BID: variants seen among roughly 807,000 people sequenced by gnomAD.
BID encodes the protein BH3 interacting domain death agonist.
A neutral mutation model predicts 17.4 loss-of-function variants in BID; 19 were observed. That is an observed-to-expected ratio of 1.09 (90% CI 0.76 to 1.60). The LOEUF is 1.60. Ranked by LOEUF, BID falls within the 40% of genes most tolerant of loss-of-function variation. The pLI, the probability that BID is intolerant of heterozygous loss-of-function variation, is 0.00. For missense variants in BID, 226 were observed against 256.0 expected (o/e 0.88, Z 0.80); for synonymous variants, 108 against 102.8 (o/e 1.05, Z -0.31).
intron 2 of BID, among the ~76,000 whole-genome samples, chr22:17,745,322 G>C (rs1004586267): frequency 2.6e-5 from 4 of 151,956 alleles, no homozygotes; most frequent in African/African-American, 9.7e-5. Flanking sequence ...CAACTCCTTG[G>C]CCTCTCAAAG....
intron 3 of BID, chr22:17,739,752 C>T (rs1044091971): frequency 2.2e-5 from 13 of 581,456 alleles, no homozygotes; most frequent in South Asian, 1.5e-4. Flanking sequence ...CAGGCAGGGC[C>T]GGTGAAGCTG....
rs114129443 is a variant in BID, at chr22:17,744,901, C to T, written c.13-888G>A. 6.1e-3 allele frequency among the ~76,000 whole-genome samples: 925 copies of T among 152,228 alleles called. 7 individuals are homozygous for T. Among genetic ancestry groups the T allele is most frequent in the African/African-American group, 0.021 (870 of 41,544 alleles). On this transcript the variant is annotated intron_variant, in intron 2 of 5. Coordinates refer to ENST00000622694, the MANE Select transcript of BID (RefSeq NM_001196.4). ...ACGCTGAGATCTGCGCAGATTCACA[C>T]AAAAAGACCTCCTGGGCTGCCAGAG... is the stretch of plus-strand genomic sequence containing the variant.
intron 1 of BID, among the ~76,000 whole-genome samples, chr22:17,752,440 A>G (rs2061546628): frequency 6.6e-6 from 1 of 152,154 alleles, no homozygotes; most frequent in Admixed American, 6.5e-5. Flanking sequence ...CCACTAACCC[A>G]TACCAGTGTC....
chr22:17,774,479 CG>C, upstream of BID: 1 of 279,614 alleles, frequency 3.6e-6, no homozygotes, highest in South Asian at 3.0e-5. Flanking sequence ...TATGGCGCCC[CG>C]CGCGCTTCCT....
chr22:17,750,254 C>G, intron 1 of BID, 80 bp from the exon 2 acceptor site: 2 of 1,252,946 alleles, frequency 1.6e-6, no homozygotes, highest in Non-Finnish European at 2.3e-6. Context: ...CGAAGCTGGC[C>G]TGTGCTCCAG....
At chr22:17,745,701 C>T (rs2061490689) in intron 2 of BID, among the ~76,000 whole-genome samples, 1 of 151,896 alleles carries the variant, frequency 6.6e-6, no homozygotes, top group African/African-American at 2.4e-5. Flanking sequence ...GGCGCGGTGG[C>T]TCACGCCTGT....
chr22:17,749,548 T>C lies in BID; in HGVS notation c.12+557A>G, dbSNP rs2061521220. ...CACCTTACAGTTTACAGTACTTTTA[T>C]TTGACCTTTATTGATTTATTTGCTC... is the stretch of plus-strand genomic sequence containing the variant. On this transcript the variant is annotated intron_variant, in intron 2 of 5. Coordinates refer to ENST00000622694, the MANE Select transcript of BID (RefSeq NM_001196.4). 3.3e-5 allele frequency among the ~76,000 whole-genome samples: 5 copies of C among 152,246 alleles called. No homozygotes were observed. In the South Asian group the frequency reaches 1.0e-3, roughly 31 times the overall value.
intron 1 of BID, among the ~76,000 whole-genome samples, chr22:17,755,404 G>C (rs1483209274): frequency 6.6e-6 from 1 of 152,176 alleles, no homozygotes; most frequent in Non-Finnish European, 1.5e-5. Flanking sequence ...AGTGCCATTT[G>C]GGTCAGGGCT....
intron 1 of BID, among the ~76,000 whole-genome samples, chr22:17,770,817 C>A (rs1316603156): frequency 6.6e-6 from 1 of 152,178 alleles, no homozygotes; most frequent in Non-Finnish European, 1.5e-5. Context: ...CCGGCGCCAG[C>A]ATGGCTATGA....
rs767973661 is a variant in BID at position 17,739,365 on chromosome 22, G to A, written c.347C>T (p.Thr116Ile). ...VNGLALQLRN[T>I]SRSEEDRNRD... ...CTCACTCACCTCCTCCGACCGGCTG[G>A]TGTTCCTGAGCTGCAGGGCCAGGCC... Residue 116 changes from threonine (T) to isoleucine (I), a missense_variant, in exon 4 of 6, where the codon ACC (threonine) becomes ATC (isoleucine). Thr to Ile is a moderately conservative substitution (Grantham distance 89). Transcript: ENST00000622694. 35 of 1,598,964 alleles carry A rather than the reference G, an allele frequency of 2.2e-5. No individual in the cohort carries two copies. In the South Asian group the frequency reaches 3.4e-4, roughly 16 times the overall value.
chr22:17,745,694 G>A (rs191456037), intron 2 of BID, among the ~76,000 whole-genome samples: 5 of 152,050 alleles, frequency 3.3e-5, no homozygotes, highest in Admixed American at 2.6e-4. Context: ...TTGGCCGGGC[G>A]CGGTGGCTCA....
At chr22:17,745,710 G>A (rs1485667069) in intron 2 of BID, among the ~76,000 whole-genome samples, 1 of 152,104 alleles carries the variant, frequency 6.6e-6, no homozygotes, top group Admixed American at 6.5e-5. Context: ...GCTCACGCCT[G>A]TAATCCCAGC....
chr22:17,736,192 G>A (rs2061418086), intron 5 of BID, among the ~76,000 whole-genome samples: 2 of 152,162 alleles, frequency 1.3e-5, no homozygotes, highest in South Asian at 4.1e-4. Context: ...CGGGCGCAGT[G>A]GCTCACGCCT....
chr22:17,755,657 C>T (rs1034743266), intron 1 of BID, among the ~76,000 whole-genome samples: 1 of 151,716 alleles, frequency 6.6e-6, no homozygotes, highest in Non-Finnish European at 1.5e-5. Flanking sequence ...AAAAATTAGC[C>T]GGGTGTGGTG....
At chr22:17,757,708 CAAA>C (rs34700137) in intron 1 of BID, among the ~76,000 whole-genome samples, 1 of 94,922 alleles carries the variant, frequency 1.1e-5, no homozygotes, top group Non-Finnish European at 2.3e-5. Context: ...GACTCCGTCT[CAAA>C]AAAAAAAAAA....
At chr22:17,762,556 T>A (rs5992818) in intron 1 of BID, among the ~76,000 whole-genome samples, 77,302 of 148,704 alleles carry the variant, frequency 0.52, 21,257 homozygotes, top group East Asian at 0.76. Flanking sequence ...GAATGAACAC[T>A]TTTTTTTTTT....
At chr22:17,739,663 T>A in intron 3 of BID, 175 bp from the exon 4 acceptor site, 1 of 846,370 alleles carries the variant, frequency 1.2e-6, no homozygotes, top group Non-Finnish European at 1.8e-6. Context: ...GTACCAGCGC[T>A]GAGCTGGGTT....
chr22:17,736,236 G>A (rs2061418456), intron 5 of BID, among the ~76,000 whole-genome samples: 3 of 152,062 alleles, frequency 2.0e-5, no homozygotes, highest in South Asian at 4.1e-4. Flanking sequence ...CGAGGTGGGC[G>A]GATCACCTGA....
At chr22:17,756,449 TTC>T (rs2061587648) in intron 1 of BID, among the ~76,000 whole-genome samples, 1 of 123,136 alleles carries the variant, frequency 8.1e-6, no homozygotes, top group Non-Finnish European at 1.7e-5. Context: ...CTTTCTTTCT[TTC>T]TTTCTTTCTT....
Sources: gnomAD v4.1 joint callset for allele counts (sites outside exome capture counted in the v4.1 genomes callset) on GRCh38, gnomAD v4.1.1 for gene constraint, MANE v1.5 for transcripts, NCBI Gene and HGNC (gene_info 2026-07-23, HGNC 2026-07-21) for gene names.